The following CPNE4 variants were observed in gnomAD, a reference collection of about 807,000 sequenced individuals.
CPNE4 encodes copine 4.
A neutral mutation model predicts 67.9 loss-of-function variants in CPNE4; 25 were observed. That is an observed-to-expected ratio of 0.37 (90% confidence interval 0.27 to 0.51). CPNE4 has a LOEUF of 0.51. Ranked by LOEUF, CPNE4 falls within the 20% of genes least tolerant of loss-of-function variation. The pLI is 0.93. For missense variants in CPNE4, 464 were observed against 690.8 expected, an observed-to-expected ratio of 0.67 and a Z score of 3.68; for synonymous variants, 242 against 244.9, an observed-to-expected ratio of 0.99 and a Z score of 0.11.
intron 1 of CPNE4, among the ~76,000 whole-genome samples, chr3:131,912,495 C>A (rs2089016056): frequency 6.6e-6 from 1 of 152,094 alleles, no homozygotes; most frequent in African/African-American, 2.4e-5. Context: ...TATCTCACAA[C>A]ATTTCCATCA....
chr3:132,014,420 G>T (rs1431185552), intron 1 of CPNE4, among the ~76,000 whole-genome samples: 1 of 152,114 alleles, frequency 6.6e-6, no homozygotes, highest in Non-Finnish European at 1.5e-5. Context: ...AGTGACCGAG[G>T]TAAGGGCTAG....
intron 3 of CPNE4, among the ~76,000 whole-genome samples, chr3:131,708,995 T>TATATATATATATATATATATATATATAC (rs1366246304): frequency 1.8e-5 from 2 of 109,116 alleles, no homozygotes; most frequent in Non-Finnish European, 3.7e-5. Context: ...TATATATATA[T>TATATATATATATATATATATATATATAC]ACATACACAC....
intron 2 of CPNE4, among the ~76,000 whole-genome samples, chr3:131,855,571 G>A (rs1390024771): frequency 1.3e-5 from 2 of 151,982 alleles, no homozygotes; most frequent in African/African-American, 4.8e-5. Flanking sequence ...CTACCTTCTT[G>A]AATTGGTTTA....
chr3:131,828,393 T>C (rs1331908577), intron 2 of CPNE4, among the ~76,000 whole-genome samples: 3 of 152,208 alleles, frequency 2.0e-5, no homozygotes, highest in African/African-American at 7.2e-5. Context: ...ATACAGTATG[T>C]ACCTTTTAAT....
upstream of CPNE4, among the ~76,000 whole-genome samples, chr3:132,037,066 G>C (rs2074352400): frequency 6.6e-6 from 1 of 152,168 alleles, no homozygotes; most frequent in Admixed American, 6.5e-5. Flanking sequence ...GTCTCTAAAG[G>C]GGCAGCTAGA....
chr3:131,979,195 CTATCTA>C (rs1451221263), intron 1 of CPNE4, among the ~76,000 whole-genome samples: 2 of 152,080 alleles, frequency 1.3e-5, no homozygotes, highest in African/African-American at 4.8e-5. Flanking sequence ...CTGTATATGT[CTATCTA>C]TAAGTCCATT....
At chr3:131,723,723 A>G (rs2081940509) in intron 2 of CPNE4, 98 bp from the exon 3 acceptor site, 4 of 1,097,278 alleles carry the variant, frequency 3.6e-6, no homozygotes, top group South Asian at 3.1e-5. Context: ...CTTCCCAACC[A>G]TAAATGCTCC....
chr3:131,618,147 T>G (rs935947131), intron 7 of CPNE4, among the ~76,000 whole-genome samples: 2 of 152,118 alleles, frequency 1.3e-5, no homozygotes, highest in African/African-American at 4.8e-5. Flanking sequence ...AAATTCCTAG[T>G]GGGAGACTTT....
intron 1 of CPNE4, among the ~76,000 whole-genome samples, chr3:131,993,539 T>G (rs80352447): frequency 0.02 from 2,522 of 129,150 alleles, 510 homozygotes; most frequent in Non-Finnish European, 0.031. Context: ...TGACTTTGTC[T>G]GTGAAAACAT....
chr3:131,788,341 T>G lies in CPNE4; in HGVS notation c.181-64716A>C, dbSNP rs577124548. Reference sequence around the variant, plus strand: ...ATAAAAATACCCGAATGGAAAAAAATGGCAAATGATATTGAATGTACAATT... The same window carrying G: ...ATAAAAATACCCGAATGGAAAAAAAGGGCAAATGATATTGAATGTACAATT... On this transcript the variant is annotated intron_variant, in intron 2 of 15. Transcript: ENST00000429747. 2.0e-5 allele frequency among the ~76,000 whole-genome samples: 3 copies of G among 152,042 alleles called. No homozygotes were observed. In the East Asian group the frequency reaches 5.8e-4, roughly 29 times the overall value.
chr3:131,762,960 G>C (rs559269664), intron 2 of CPNE4, among the ~76,000 whole-genome samples: 1 of 151,138 alleles, frequency 6.6e-6, no homozygotes, highest in African/African-American at 2.4e-5. Context: ...ACCCCACTGA[G>C]ATTCCCATGG....
chr3:131,863,429 T>C (rs1203728424), intron 2 of CPNE4, among the ~76,000 whole-genome samples: 1 of 152,242 alleles, frequency 6.6e-6, no homozygotes, highest in Non-Finnish European at 1.5e-5. Flanking sequence ...TATCTCACTA[T>C]GGTTTCGATT....
intron 1 of CPNE4, among the ~76,000 whole-genome samples, chr3:132,006,727 G>C (rs2073617056): frequency 6.6e-6 from 1 of 151,430 alleles, no homozygotes. Flanking sequence ...ATTGCCTTGA[G>C]AAGCAATGAG....
At chr3:131,988,873 T>C (rs899634198) in intron 1 of CPNE4, among the ~76,000 whole-genome samples, 5 of 152,236 alleles carry the variant, frequency 3.3e-5, no homozygotes, top group Admixed American at 6.5e-5. Context: ...CCTGGATCAC[T>C]GTAATGCCAG....
intron 15 of CPNE4, among the ~76,000 whole-genome samples, 154 bp from the exon 16 acceptor site, chr3:131,535,483 A>C (rs533102172): frequency 6.6e-6 from 1 of 152,224 alleles, no homozygotes. Flanking sequence ...TAGTTGTCAG[A>C]TTGTTGGAAA....
chr3:131,594,727 A>C (rs1277734239), intron 7 of CPNE4, among the ~76,000 whole-genome samples: 1 of 152,258 alleles, frequency 6.6e-6, no homozygotes, highest in Non-Finnish European at 1.5e-5. Context: ...AAGCTTCGGC[A>C]CAGAAAGGAA....
chr3:131,943,956 T>C (rs550425695), intron 1 of CPNE4, among the ~76,000 whole-genome samples: 2 of 152,266 alleles, frequency 1.3e-5, no homozygotes, highest in East Asian at 3.9e-4. Flanking sequence ...CCCCATACCA[T>C]TGTTCTCTCT....
chr3:132,005,639 A>C (rs1008343622), intron 1 of CPNE4, among the ~76,000 whole-genome samples: 1 of 151,924 alleles, frequency 6.6e-6, no homozygotes, highest in African/African-American at 2.4e-5. Flanking sequence ...AATTATAGTC[A>C]TTCCCCAGTA....
chr3:131,938,415 A>C (rs2071288987), intron 1 of CPNE4, among the ~76,000 whole-genome samples: 1 of 144,336 alleles, frequency 6.9e-6, no homozygotes, highest in Non-Finnish European at 1.5e-5. Flanking sequence ...AAAATATCCA[A>C]CAATTAGGGA....
Sources: gnomAD v4.1 joint callset for allele counts (sites outside exome capture counted in the v4.1 genomes callset) on GRCh38, gnomAD v4.1.1 for gene constraint, MANE v1.5 for transcripts, NCBI Gene and HGNC (gene_info 2026-07-23, HGNC 2026-07-21) for gene names.